The following MZT1 variants were observed in gnomAD, a reference collection of about 807,000 sequenced individuals.
MZT1 encodes the protein mitotic-spindle organizing protein 1.
In MZT1, 8 loss-of-function variants were observed where a neutral mutation model predicts 8.5. The ratio of observed to expected loss-of-function variants is 0.94; its 90% CI spans 0.55 to 1.70. MZT1 has a LOEUF of 1.70. MZT1 is among the 40% of genes most tolerant of loss of function. The probability of loss-of-function intolerance (pLI) is 0.00; values close to 1 mark genes in which losing one functional copy is unlikely to be tolerated. For synonymous variants in MZT1, 38 were observed against 42.0 expected, an observed-to-expected ratio of 0.90 and a Z score of 0.37; for missense variants, 93 against 108.6, an observed-to-expected ratio of 0.86 and a Z score of 0.64.
chr13:72,725,563 C>T (rs187400616), intron 1 of MZT1, among the ~76,000 whole-genome samples: 4 of 152,066 alleles, frequency 2.6e-5, no homozygotes, highest in African/African-American at 9.7e-5. Context: ...TTTGATCTCA[C>T]GGGTTGATTT....
chr13:72,723,795 TA>T (rs1309810033), intron 1 of MZT1, among the ~76,000 whole-genome samples: 1 of 152,220 alleles, frequency 6.6e-6, no homozygotes, highest in Non-Finnish European at 1.5e-5. Flanking sequence ...TCACAGATAT[TA>T]GTCCAGGAGG....
In MZT1 at chr13:72,723,137, G is replaced by A. The variant is rs189524974; in HGVS notation, c.80-4040C>T. Among the ~76,000 whole-genome samples the A allele has an allele frequency of 1.6e-3, 237 of 152,198 alleles. 2 individuals carry two copies. Among genetic ancestry groups the A allele is most frequent in the African/African-American group, 5.1e-3 (212 of 41,520 alleles). On this transcript the variant is annotated intron_variant, in intron 1 of 2. Coordinates refer to ENST00000377818, the MANE Select transcript of MZT1 (RefSeq NM_001071775.3). ...TTCTCTTCATGGTAGACCCCCCCAC[G>A]TATAAAGGCTATGCTTATTCCTGAC...
chr13:72,727,505 G>A lies in MZT1; in HGVS notation c.79+19C>T, dbSNP rs776991206. On this transcript the variant is annotated intron_variant, in intron 1 of 2. Transcript: ENST00000377818. ...TCTGGGAAGGCACGCAAGGTAAAGG[G>A]AGCGCAACGGAAACTCACCGTCCAT... 3 of 1,612,822 alleles carry A rather than the reference G, an allele frequency of 1.9e-6. No individual in the cohort carries two copies. Among genetic ancestry groups the A allele is most frequent in the Admixed American group, 1.7e-5 (1 of 60,020 alleles).
Position 72,722,300 on chromosome 13 carries a change from G to A in MZT1, c.80-3203C>T, listed in dbSNP as rs1018614598. 4.6e-5 allele frequency among the ~76,000 whole-genome samples: 7 copies of A among 152,262 alleles called. No homozygotes were observed. The East Asian group carries it at 1.4e-3, about 29-fold the overall frequency. On this transcript the variant is annotated intron_variant, in intron 1 of 2. Transcript: ENST00000377818. Reference sequence around the variant, plus strand: ...GATAATAAGAGTACCTGTTTTAAAGGATTAGTGTGAGAATTAAAGGATACA... The same window carrying A: ...GATAATAAGAGTACCTGTTTTAAAGAATTAGTGTGAGAATTAAAGGATACA...
In MZT1 at chr13:72,727,564, G is replaced by GGCC. The variant is rs748174456; in HGVS notation, c.36_38dup (p.Ala16dup). The GGCC allele has an allele frequency of 1.1e-5, 17 of 1,593,006 alleles. No individual in the cohort carries two copies. In the East Asian group the frequency reaches 2.0e-4, roughly 19 times the overall value. On this transcript the variant is annotated inframe_insertion, in exon 1 of 3. Coordinates refer to ENST00000377818, the MANE Select transcript of MZT1 (RefSeq NM_001071775.3). Reference sequence around the variant, plus strand: ...GCACCGCATTCAGATTCGCCGCCGCGGCCGCCGCCGCCGCCCCAGCACCGC... The same window carrying GGCC: ...GCACCGCATTCAGATTCGCCGCCGCGGCCGCCGCCGCCGCCGCCCCAGCACCGC...
At chr13:72,711,846 A>G (rs1040694947) in intron 2 of MZT1, among the ~76,000 whole-genome samples, 13 of 152,088 alleles carry the variant, frequency 8.5e-5, no homozygotes, top group Admixed American at 6.6e-4. Context: ...CAGCTCCCCA[A>G]CTCTGTCCCA....
At chr13:72,719,299 C>T (rs2032571400) in intron 1 of MZT1, among the ~76,000 whole-genome samples, 1 of 152,148 alleles carries the variant, frequency 6.6e-6, no homozygotes, top group Admixed American at 6.5e-5. Flanking sequence ...TTACACCTTC[C>T]CTTCACATAA....
intron 1 of MZT1, among the ~76,000 whole-genome samples, chr13:72,722,285 G>A (rs1208961859): frequency 2.6e-5 from 4 of 152,190 alleles, no homozygotes; most frequent in Non-Finnish European, 5.9e-5. Flanking sequence ...GATAATAAGA[G>A]TACCTGTTTT....
At chr13:72,717,100 C>T (rs960696794) in intron 2 of MZT1, among the ~76,000 whole-genome samples, 2 of 152,190 alleles carry the variant, frequency 1.3e-5, no homozygotes, top group Non-Finnish European at 2.9e-5. Flanking sequence ...GTCTCCAGAA[C>T]ATGTTATTCA....
intron 1 of MZT1, among the ~76,000 whole-genome samples, chr13:72,720,942 A>AC (rs1275145480): frequency 1.3e-5 from 2 of 151,626 alleles, no homozygotes; most frequent in Admixed American, 6.6e-5. Context: ...CTTAAAAAAA[A>AC]AAATGTCTTT....
chr13:72,717,971 T>C (rs2032552110), intron 2 of MZT1, among the ~76,000 whole-genome samples: 1 of 152,206 alleles, frequency 6.6e-6, no homozygotes, highest in Non-Finnish European at 1.5e-5. Context: ...AAGTATTTGT[T>C]ACAGCAACAC....
intron 2 of MZT1, among the ~76,000 whole-genome samples, chr13:72,714,467 A>T (rs1011319906): frequency 1.3e-5 from 2 of 151,958 alleles, no homozygotes; most frequent in East Asian, 1.9e-4. Context: ...TGCTAGAGAA[A>T]TTTCTGAATC....
At chr13:72,727,264 C>G (rs1467127033) in intron 1 of MZT1, among the ~76,000 whole-genome samples, 8 of 152,176 alleles carry the variant, frequency 5.3e-5, no homozygotes, top group African/African-American at 1.9e-4. Context: ...GCGCGGCATT[C>G]GCGCGAGAGG....
At chr13:72,718,859 T>C in intron 2 of MZT1, 93 bp downstream of exon 2, 1 of 1,255,072 alleles carries the variant, frequency 8.0e-7, no homozygotes, top group East Asian at 2.5e-5. Context: ...AGTTTAACCT[T>C]GTTTAACCAG....
chr13:72,718,644 AT>A (rs577685709), intron 2 of MZT1, among the ~76,000 whole-genome samples: 2 of 151,770 alleles, frequency 1.3e-5, no homozygotes, highest in East Asian at 1.9e-4. Flanking sequence ...CGCCTGGCTA[AT>A]TTTTTTGTAT....
intron 1 of MZT1, 128 bp downstream of exon 1, chr13:72,727,396 A>G (rs2032684628): frequency 1.1e-6 from 1 of 929,798 alleles, no homozygotes; most frequent in East Asian, 2.4e-5. Flanking sequence ...GCAGGTCCCT[A>G]CCAAAGATCT....
At chr13:72,722,322 T>TAC (rs2032599751) in intron 1 of MZT1, among the ~76,000 whole-genome samples, 1 of 152,236 alleles carries the variant, frequency 6.6e-6, no homozygotes. Flanking sequence ...AATTAAAGGA[T>TAC]ACACTTAGAA....
In MZT1 at chr13:72,717,231, C is replaced by A. The variant is rs910653003; in HGVS notation, c.225+1721G>T. Among the ~76,000 whole-genome samples the A allele has an allele frequency of 2.0e-5, 3 of 152,166 alleles. No individual in the cohort carries two copies. The South Asian group carries it at 6.2e-4, about 31-fold the overall frequency. On this transcript the variant is annotated intron_variant, in intron 2 of 2. Coordinates refer to ENST00000377818, the MANE Select transcript of MZT1 (RefSeq NM_001071775.3). ...CAAAAAGAAATCAGGCTACACCTTC[C>A]ACAATTTGCTTGGAAATTTCCTCAA...
At chr13:72,718,860 G>A (rs2032564986) in intron 2 of MZT1, 92 bp downstream of exon 2, 2 of 1,265,648 alleles carry the variant, frequency 1.6e-6, no homozygotes, top group Non-Finnish European at 2.1e-6. Context: ...GTTTAACCTT[G>A]TTTAACCAGG....
Sources: gnomAD v4.1 joint callset for allele counts (sites outside exome capture counted in the v4.1 genomes callset) on GRCh38, gnomAD v4.1.1 for gene constraint, MANE v1.5 for transcripts, NCBI Gene and HGNC (gene_info 2026-07-23, HGNC 2026-07-21) for gene names.